The following FBLN2 variants were observed in gnomAD, a reference collection of about 807,000 sequenced individuals.
FBLN2 encodes the protein fibulin-2.
In FBLN2, 81 loss-of-function variants were observed where a neutral mutation model predicts 123.7. The observed-to-expected ratio is 0.65, with a 90% confidence interval of 0.55 to 0.79. FBLN2 has a LOEUF of 0.79. Among genes scored for constraint, FBLN2 ranks in the 30% least tolerant of loss-of-function variants. The pLI, the probability that FBLN2 is intolerant of heterozygous loss-of-function variation, is 0.00. For synonymous variants in FBLN2, 699 were observed against 701.4 expected (o/e 1.00, Z 0.05); for missense variants, 1,603 against 1,681.3 (o/e 0.95, Z 0.81).
intron 2 of FBLN2, among the ~76,000 whole-genome samples, chr3:13,578,636 A>G (rs1264119300): frequency 6.8e-6 from 1 of 146,512 alleles, no homozygotes; most frequent in Non-Finnish European, 1.5e-5. Flanking sequence ...ATTATGAGTA[A>G]TGCAGCTATA....
Position 13,614,036 on chromosome 3 carries a change from C to A in FBLN2, c.1601C>A (p.Ser534Ter). The A allele has an allele frequency of 6.2e-7, 1 of 1,613,536 alleles. No homozygotes were observed. The highest frequency in any genetic ancestry group is 8.5e-7 in the Non-Finnish European group (1 of 1,179,874). ...CTCCGCGTGCGGGCCGAGGGCCAGT[C>A]GTGTGAGTCCAATCCTAACCTGGGC... ...LGLRVRAEGQ[S>*]CESNPNLGYP... The change falls in exon 5 of 18, where the codon TCG becomes TAG. Residue 534 changes from serine to a stop codon, truncating the protein, a stop_gained. Transcript: ENST00000404922. LOFTEE classifies it high-confidence loss of function.
intron 2 of FBLN2, among the ~76,000 whole-genome samples, chr3:13,604,064 G>A (rs147569548): frequency 0.15 from 22,796 of 152,042 alleles, 2,065 homozygotes; most frequent in East Asian, 0.35. Flanking sequence ...CATATCCTTC[G>A]CCCACTTTTT....
rs1382479031 is a variant in FBLN2 at position 13,638,177 on chromosome 3, G to T, written c.*258G>T. 1.6e-6 allele frequency: 1 copy of T among 642,304 alleles called. No individual in the cohort carries two copies. The highest frequency in any genetic ancestry group is 2.8e-6 in the Non-Finnish European group (1 of 357,578). 39.8% of individuals were successfully genotyped at this position (642,304 alleles called of 1,614,324 possible). On this transcript the variant is annotated 3_prime_UTR_variant, in exon 18 of 18. Transcript: ENST00000404922. ...TGGCGGGTGCCCTGTGGGTGAGGCTGGGTGATGACCTGAGGACCAGAGACA... is the reference window on the plus strand; with the variant it reads ...TGGCGGGTGCCCTGTGGGTGAGGCTTGGTGATGACCTGAGGACCAGAGACA...
chr3:13,551,791 C>T (rs1051194282), intron 1 of FBLN2, among the ~76,000 whole-genome samples: 1 of 151,898 alleles, frequency 6.6e-6, no homozygotes, highest in Non-Finnish European at 1.5e-5. Context: ...CCGCCCGCCT[C>T]AGTCTCCCAA....
At chr3:13,569,063 G>A (rs546603952) in intron 1 of FBLN2, 7 of 985,860 alleles carry the variant, frequency 7.1e-6, no homozygotes, top group Admixed American at 6.1e-5. Context: ...TGGGGAGCAC[G>A]CTGTCTATAA....
chr3:13,585,229 G>T (rs1704459880), intron 2 of FBLN2, among the ~76,000 whole-genome samples: 1 of 152,218 alleles, frequency 6.6e-6, no homozygotes, highest in African/African-American at 2.4e-5. Context: ...CATCAGGATA[G>T]AAGTGTTTCC....
chr3:13,612,551 T>G (rs1286869811), intron 4 of FBLN2, among the ~76,000 whole-genome samples: 2 of 151,938 alleles, frequency 1.3e-5, no homozygotes, highest in African/African-American at 2.4e-5. Flanking sequence ...CGGCTGATTT[T>G]TTTGTATTTT....
intron 2 of FBLN2, among the ~76,000 whole-genome samples, chr3:13,600,058 A>C (rs1445540390): frequency 6.7e-6 from 1 of 149,480 alleles, no homozygotes; most frequent in Non-Finnish European, 1.5e-5. Flanking sequence ...AGAGAGAGAG[A>C]GAGCGATAGA....
chr3:13,575,831 G>T (rs1326074787), intron 2 of FBLN2, among the ~76,000 whole-genome samples: 1 of 152,060 alleles, frequency 6.6e-6, no homozygotes, highest in Non-Finnish European at 1.5e-5. Flanking sequence ...TGCATGTTCC[G>T]CTCCTCCCCC....
chr3:13,556,767 C>T (rs1703475079), intron 1 of FBLN2, among the ~76,000 whole-genome samples: 1 of 152,170 alleles, frequency 6.6e-6, no homozygotes, highest in African/African-American at 2.4e-5. Context: ...TGGGCTTGGT[C>T]CCCCACAGTG....
chr3:13,609,358 A>T (rs1431292322), intron 3 of FBLN2, among the ~76,000 whole-genome samples, 155 bp from the exon 4 acceptor site: 1 of 152,154 alleles, frequency 6.6e-6, no homozygotes, highest in Admixed American at 6.5e-5. Flanking sequence ...AATGAAACCC[A>T]TGCAACCCAG....
chr3:13,604,496 T>C (rs991489996), intron 2 of FBLN2, among the ~76,000 whole-genome samples: 4 of 152,262 alleles, frequency 2.6e-5, no homozygotes, highest in African/African-American at 9.6e-5. Flanking sequence ...AGGGAATCGT[T>C]TTCCCATTTC....
At chr3:13,608,289 G>A in intron 3 of FBLN2, 116 bp downstream of exon 3, 1 of 705,750 alleles carries the variant, frequency 1.4e-6, no homozygotes, top group Non-Finnish European at 2.4e-6. Flanking sequence ...ACATGCCTCT[G>A]GGGCATGAGG....
Position 13,628,974 on chromosome 3 carries a change from C to T in FBLN2, c.2639C>T (p.Ser880Phe), listed in dbSNP as rs750502981. 10 of 1,613,598 alleles carry T rather than the reference C, an allele frequency of 6.2e-6. No homozygotes were observed. Among genetic ancestry groups the T allele is most frequent in the South Asian group, 2.2e-5 (2 of 91,060 alleles). Residue 880 changes from serine (S) to phenylalanine (F), a missense_variant, in exon 12 of 18, where the codon TCC becomes TTC. Ser to Phe is a radical substitution (Grantham distance 155, BLOSUM62 -2). Coordinates refer to ENST00000404922, the MANE Select transcript of FBLN2 (RefSeq NM_001004019.2). Reference protein sequence around the residue: ...PGFSCINTVGSYTCQRNPLIC... With the variant: ...PGFSCINTVGFYTCQRNPLIC... ...TTCAGCTGCATCAACACGGTGGGCT[C>T]CTACACATGCCAGAGGAACCCGCTG... is the stretch of plus-strand genomic sequence containing the variant.
At chr3:13,586,340 A>G (rs1704497752) in intron 2 of FBLN2, among the ~76,000 whole-genome samples, 1 of 151,474 alleles carries the variant, frequency 6.6e-6, no homozygotes, top group African/African-American at 2.4e-5. Context: ...GCCCGCCACC[A>G]CGCCAGGCTA....
chr3:13,613,887 A>T, intron 4 of FBLN2, 97 bp from the exon 5 acceptor site: 1 of 1,327,260 alleles, frequency 7.5e-7, no homozygotes, highest in Non-Finnish European at 1.0e-6. Context: ...AGGAGATAAG[A>T]TAATGGTGAA....
At chr3:13,603,318 A>G (rs1384870161) in intron 2 of FBLN2, among the ~76,000 whole-genome samples, 1 of 150,484 alleles carries the variant, frequency 6.6e-6, no homozygotes, top group Non-Finnish European at 1.5e-5. Flanking sequence ...TACATGTGCC[A>G]TGTTGGTGTG....
chr3:13,584,367 A>G (rs934078897), intron 2 of FBLN2, among the ~76,000 whole-genome samples: 1 of 152,176 alleles, frequency 6.6e-6, no homozygotes. Flanking sequence ...GGTGCAGAGG[A>G]TGGGGGCCCA....
Position 13,629,303 on chromosome 3 carries a change from T to C in FBLN2, c.2842+11T>C, listed in dbSNP as rs762121611. 5.2e-5 allele frequency: 83 copies of C among 1,601,812 alleles called. No individual in the cohort carries two copies. In the East Asian group the frequency reaches 1.1e-3, roughly 22 times the overall value. On this transcript the variant is annotated intron_variant, in intron 13 of 17. Transcript: ENST00000404922. ...GCCGGGGCTGCATCGGTAGGTAGGCTGGTGGCCAGGACCCCTGGGGAACAC... is the reference window on the plus strand; with the variant it reads ...GCCGGGGCTGCATCGGTAGGTAGGCCGGTGGCCAGGACCCCTGGGGAACAC...
Sources: allele counts gnomAD v4.1 joint callset (sites outside exome capture counted in the v4.1 genomes callset), GRCh38; gene constraint gnomAD v4.1.1; transcripts MANE v1.5; gene names NCBI Gene and HGNC (gene_info 2026-07-23, HGNC 2026-07-21).